Variants in ZFAND3 observed in about 807,000 individuals in gnomAD.
ZFAND3 encodes zinc finger AN1-type containing 3.
Under a neutral mutation model 29.6 loss-of-function variants are expected in ZFAND3, and 10 were observed. That is an observed-to-expected ratio of 0.34 (90% CI 0.21 to 0.57). The LOEUF is 0.57. Among genes scored for constraint, ZFAND3 ranks in the 20% least tolerant of loss-of-function variants. The pLI is 0.86. For missense variants in ZFAND3, 230 were observed against 304.5 expected (o/e 0.76, Z 1.82); for synonymous variants, 128 against 112.6 (o/e 1.14, Z -0.87).
At chr6:38,018,499 T>C (rs770224787) in intron 2 of ZFAND3, among the ~76,000 whole-genome samples, 2 of 152,100 alleles carry the variant, frequency 1.3e-5, no homozygotes, top group Non-Finnish European at 2.9e-5. Context: ...ATACGCTAAA[T>C]CTCCCACCTG....
At chr6:37,874,501 T>G (rs1764756633) in intron 1 of ZFAND3, among the ~76,000 whole-genome samples, 1 of 105,298 alleles carries the variant, frequency 9.5e-6, no homozygotes, top group African/African-American at 3.9e-5. Flanking sequence ...GCAACAAGAG[T>G]GAAACTCCGT....
chr6:37,870,950 A>C (rs1003784514), intron 1 of ZFAND3, among the ~76,000 whole-genome samples: 2 of 152,180 alleles, frequency 1.3e-5, no homozygotes, highest in Non-Finnish European at 2.9e-5. Flanking sequence ...TGATGTGCTT[A>C]AGTGTTTTTC....
At chr6:38,026,038 A>G (rs1417440987) in intron 2 of ZFAND3, among the ~76,000 whole-genome samples, 3 of 152,240 alleles carry the variant, frequency 2.0e-5, no homozygotes, top group Non-Finnish European at 4.4e-5. Context: ...GGTGAGTTTT[A>G]TAATATGTAA....
chr6:37,828,544 AAAAT>A (rs900281556), intron 1 of ZFAND3, among the ~76,000 whole-genome samples: 3 of 152,374 alleles, frequency 2.0e-5, no homozygotes, highest in Non-Finnish European at 4.4e-5. Context: ...TAAATAATAA[AAAAT>A]AAACCAGAGG....
chr6:38,106,221 G>T (rs1216217226), intron 4 of ZFAND3, among the ~76,000 whole-genome samples: 2 of 151,162 alleles, frequency 1.3e-5, no homozygotes, highest in Admixed American at 6.6e-5. Flanking sequence ...GTGCAATCTC[G>T]GGCTCACTGC....
At chr6:38,009,152 G>A (rs561179895) in intron 2 of ZFAND3, among the ~76,000 whole-genome samples, 1 of 152,208 alleles carries the variant, frequency 6.6e-6, no homozygotes, top group East Asian at 1.9e-4. Context: ...CTTTTGAATT[G>A]AGCCCTTTGA....
chr6:38,089,242 C>T (rs1764818296), intron 4 of ZFAND3, among the ~76,000 whole-genome samples: 1 of 151,994 alleles, frequency 6.6e-6, no homozygotes, highest in Non-Finnish European at 1.5e-5. Context: ...CCTGCCTCAC[C>T]CCCACCCCCC....
At chr6:38,146,568 C>G (rs1227126855) in intron 5 of ZFAND3, among the ~76,000 whole-genome samples, 2 of 152,208 alleles carry the variant, frequency 1.3e-5, no homozygotes, top group Non-Finnish European at 2.9e-5. Flanking sequence ...TAAGGAAGCT[C>G]TGCAGCTTCC....
At chr6:38,084,313 G>C (rs1764718585) in intron 4 of ZFAND3, among the ~76,000 whole-genome samples, 1 of 152,188 alleles carries the variant, frequency 6.6e-6, no homozygotes, top group South Asian at 2.1e-4. Context: ...TCTAAGCTTA[G>C]CCACTTACCA....
chr6:38,055,249 A>AAG, intron 2 of ZFAND3, among the ~76,000 whole-genome samples: 1 of 152,196 alleles, frequency 6.6e-6, no homozygotes, highest in East Asian at 1.9e-4. Flanking sequence ...ATACCAAACT[A>AAG]AAGCTTCTGG....
chr6:38,006,710 C>T (rs530630363), intron 2 of ZFAND3, among the ~76,000 whole-genome samples: 239 of 142,812 alleles, frequency 1.7e-3, no homozygotes, highest in African/African-American at 5.7e-3. Context: ...TTTGGAGGGA[C>T]GAAGAAATGG....
intron 2 of ZFAND3, among the ~76,000 whole-genome samples, chr6:37,988,225 A>C (rs1373894088): frequency 1.3e-5 from 2 of 152,206 alleles, no homozygotes; most frequent in Non-Finnish European, 2.9e-5. Flanking sequence ...TGTGTGATTA[A>C]TGCTTTTTCC....
chr6:37,954,896 A>G (rs930783786), intron 2 of ZFAND3, among the ~76,000 whole-genome samples: 1 of 152,164 alleles, frequency 6.6e-6, no homozygotes, highest in African/African-American at 2.4e-5. Flanking sequence ...GAGAGTTTCA[A>G]CCTTGCCTTG....
At chr6:38,034,045 C>T (rs1267504160) in intron 2 of ZFAND3, among the ~76,000 whole-genome samples, 1 of 151,978 alleles carries the variant, frequency 6.6e-6, no homozygotes, top group Non-Finnish European at 1.5e-5. Context: ...AACCTTTTGT[C>T]CATTTAGGGA....
At chr6:38,131,258 T>G (rs902583740) in intron 5 of ZFAND3, among the ~76,000 whole-genome samples, 2 of 152,230 alleles carry the variant, frequency 1.3e-5, no homozygotes, top group Admixed American at 1.3e-4. Context: ...AAAAACAGCT[T>G]TTTGTTTCAT....
intron 2 of ZFAND3, among the ~76,000 whole-genome samples, chr6:38,058,262 C>T (rs17649257): frequency 0.046 from 7,029 of 152,196 alleles, 239 homozygotes; most frequent in Non-Finnish European, 0.069. Flanking sequence ...ACAGTGATGA[C>T]TCAGTTTCAG....
rs139524809 is a variant in ZFAND3 at position 37,989,597 on chromosome 6, G to A, written c.112+59598G>A. Among the ~76,000 whole-genome samples the A allele has an allele frequency of 4.7e-4, 71 of 152,180 alleles. 1 individual carries two copies. Among genetic ancestry groups the A allele is most frequent in the African/African-American group, 9.6e-4 (40 of 41,526 alleles). ...GAATAGGCTTTAACATACGAATTTT[G>A]GGGGGACACAAACATTCAGTCCGTA... On this transcript the variant is annotated intron_variant, in intron 2 of 5. Coordinates refer to ENST00000287218, the MANE Select transcript of ZFAND3 (RefSeq NM_021943.3).
At chr6:37,932,404 A>G (rs568812380) in intron 2 of ZFAND3, among the ~76,000 whole-genome samples, 24 of 152,350 alleles carry the variant, frequency 1.6e-4, no homozygotes, top group African/African-American at 4.8e-4. Context: ...GACAAAATGT[A>G]TACAGGTTGA....
chr6:37,952,545 G>A (rs1357090919), intron 2 of ZFAND3, among the ~76,000 whole-genome samples: 4 of 152,016 alleles, frequency 2.6e-5, no homozygotes, highest in African/African-American at 9.7e-5. Flanking sequence ...TGTGAGGTCA[G>A]TCGTAATATC....
Sources: gnomAD v4.1 joint callset for allele counts (sites outside exome capture counted in the v4.1 genomes callset) on GRCh38, gnomAD v4.1.1 for gene constraint, MANE v1.5 for transcripts, NCBI Gene and HGNC (gene_info 2026-07-23, HGNC 2026-07-21) for gene names.